Variants in PLCB1 observed in about 807,000 individuals in gnomAD.
The protein encoded by PLCB1 is phospholipase C beta 1.
A neutral mutation model predicts 161.8 loss-of-function variants in PLCB1; 46 were observed. That is an observed-to-expected ratio of 0.28 (90% CI 0.22 to 0.36). The LOEUF is 0.36. PLCB1 is among the 10% of genes least tolerant of loss of function. PLCB1 has a pLI of 1.00. For missense variants in PLCB1, 1,016 were observed against 1,472.5 expected (o/e 0.69, Z 5.07); for synonymous variants, 517 against 503.7 (o/e 1.03, Z -0.35).
At chr20:8,634,767 G>T (rs1988708076) in intron 4 of PLCB1, among the ~76,000 whole-genome samples, 1 of 152,256 alleles carries the variant, frequency 6.6e-6, no homozygotes, top group Middle Eastern at 3.4e-3. Flanking sequence ...TATGTGCCAA[G>T]CACCTCGCTG....
chr20:8,869,917 G>A (rs1026920021), intron 31 of PLCB1, among the ~76,000 whole-genome samples: 3 of 152,172 alleles, frequency 2.0e-5, no homozygotes, highest in East Asian at 1.9e-4. Flanking sequence ...TCTTTTCCTT[G>A]TGTTAAATCT....
chr20:8,506,942 C>A (rs1425353133), intron 3 of PLCB1, among the ~76,000 whole-genome samples: 2 of 152,138 alleles, frequency 1.3e-5, no homozygotes. Flanking sequence ...TGACTCTTTA[C>A]ATAGTCAAAA....
intron 3 of PLCB1, among the ~76,000 whole-genome samples, chr20:8,622,634 A>AG (rs1988216942): frequency 6.6e-6 from 1 of 152,176 alleles, no homozygotes; most frequent in Non-Finnish European, 1.5e-5. Context: ...TTTGAGCCTC[A>AG]GTTGCCCAAA....
chr20:8,826,318 A>G (rs1425536020), intron 31 of PLCB1, among the ~76,000 whole-genome samples: 1 of 151,748 alleles, frequency 6.6e-6, no homozygotes, highest in Non-Finnish European at 1.5e-5. Context: ...ACATGGTGAA[A>G]CCCCGTCTCT....
intron 20 of PLCB1, among the ~76,000 whole-genome samples, chr20:8,738,754 A>C (rs570453069): frequency 1.3e-5 from 2 of 152,200 alleles, no homozygotes; most frequent in Non-Finnish European, 2.9e-5. Context: ...ATGAAGCCCT[A>C]TCTCTGGCAA....
intron 25 of PLCB1, among the ~76,000 whole-genome samples, chr20:8,761,814 G>A (rs918189170): frequency 2.0e-5 from 3 of 151,424 alleles, no homozygotes; most frequent in Non-Finnish European, 3.0e-5. Context: ...GGCTGGTCTC[G>A]AACTCCTGAC....
At chr20:8,424,716 G>C (rs1979675891) in intron 3 of PLCB1, among the ~76,000 whole-genome samples, 2 of 152,158 alleles carry the variant, frequency 1.3e-5, no homozygotes, top group African/African-American at 4.8e-5. Flanking sequence ...AAAATACTTA[G>C]AAAGATCATG....
chr20:8,810,921 G>A (rs1227798858), intron 31 of PLCB1, among the ~76,000 whole-genome samples: 2 of 152,212 alleles, frequency 1.3e-5, no homozygotes, highest in South Asian at 2.1e-4. Context: ...AGCCAAGATC[G>A]CACTACTGCA....
intron 3 of PLCB1, among the ~76,000 whole-genome samples, chr20:8,523,713 G>C (rs950266429): frequency 6.6e-6 from 1 of 151,308 alleles, no homozygotes; most frequent in African/African-American, 2.4e-5. Context: ...CCCACTAAAA[G>C]GGGACAAATG....
chr20:8,627,860 C>A (rs1988406330), intron 3 of PLCB1, among the ~76,000 whole-genome samples: 1 of 152,224 alleles, frequency 6.6e-6, no homozygotes, highest in Non-Finnish European at 1.5e-5. Context: ...ACGCTGAGAG[C>A]CAGGGCTGTG....
chr20:8,376,423 A>G (rs1228937240), intron 3 of PLCB1, among the ~76,000 whole-genome samples: 5 of 152,214 alleles, frequency 3.3e-5, no homozygotes, highest in Non-Finnish European at 7.3e-5. Flanking sequence ...CCTAATCTCT[A>G]CATAAACATG....
At chr20:8,557,910 A>G (rs1018784911) in intron 3 of PLCB1, among the ~76,000 whole-genome samples, 1 of 151,918 alleles carries the variant, frequency 6.6e-6, no homozygotes, top group African/African-American at 2.4e-5. Context: ...TATCCCACTC[A>G]CAGGAAAAAA....
chr20:8,717,040 C>T (rs932570556), intron 13 of PLCB1, among the ~76,000 whole-genome samples: 1 of 152,102 alleles, frequency 6.6e-6, no homozygotes, highest in Non-Finnish European at 1.5e-5. Flanking sequence ...ATCTAATGAC[C>T]CCCTCATGGG....
At chr20:8,441,684 G>A (rs1383890872) in intron 3 of PLCB1, among the ~76,000 whole-genome samples, 1 of 152,062 alleles carries the variant, frequency 6.6e-6, no homozygotes, top group Non-Finnish European at 1.5e-5. Flanking sequence ...CATAACAGAC[G>A]ATCTCTCAGA....
chr20:8,770,204 G>A (rs1340957266), intron 26 of PLCB1, among the ~76,000 whole-genome samples: 1 of 151,982 alleles, frequency 6.6e-6, no homozygotes, highest in Non-Finnish European at 1.5e-5. Flanking sequence ...CGCCCACCTC[G>A]GCCTCCCAAA....
intron 2 of PLCB1, among the ~76,000 whole-genome samples, chr20:8,351,837 T>C (rs1383396845): frequency 6.6e-6 from 1 of 152,098 alleles, no homozygotes; most frequent in South Asian, 2.1e-4. Context: ...AAATTGATGA[T>C]ACTAAGTGTT....
intron 3 of PLCB1, among the ~76,000 whole-genome samples, chr20:8,435,203 C>T (rs1357941137): frequency 1.3e-5 from 2 of 152,062 alleles, no homozygotes; most frequent in African/African-American, 2.4e-5. Context: ...AGCATTAAGA[C>T]AATTTATCCT....
chr20:8,440,974 A>G (rs1336709570), intron 3 of PLCB1, among the ~76,000 whole-genome samples: 1 of 152,108 alleles, frequency 6.6e-6, no homozygotes, highest in Non-Finnish European at 1.5e-5. Flanking sequence ...AGAGAAATTA[A>G]CCCAGCCTCA....
chr20:8,629,825 CTTTCTTT>C (rs1760887431), intron 4 of PLCB1, among the ~76,000 whole-genome samples: 1 of 71,770 alleles, frequency 1.4e-5, no homozygotes, highest in Non-Finnish European at 2.8e-5. Flanking sequence ...TCTTTTCTTT[CTTTCTTT>C]CTTTCTTTCT....
Sources: gnomAD v4.1 joint callset for allele counts (sites outside exome capture counted in the v4.1 genomes callset) on GRCh38, gnomAD v4.1.1 for gene constraint, MANE v1.5 for transcripts, NCBI Gene and HGNC (gene_info 2026-07-23, HGNC 2026-07-21) for gene names.